CYP4X1: variants seen among roughly 807,000 people sequenced by gnomAD.
CYP4X1 encodes the protein cytochrome P450 4X1.
A neutral mutation model predicts 57.9 loss-of-function variants in CYP4X1; 44 were observed. That is an observed-to-expected ratio of 0.76 (90% CI 0.60 to 0.98). The LOEUF is 0.98. Among genes scored for constraint, CYP4X1 ranks in the 50% least tolerant of loss-of-function variants. CYP4X1 has a pLI of 0.00. For missense variants in CYP4X1, 532 were observed against 623.9 expected (o/e 0.85, Z 1.57); for synonymous variants, 227 against 228.6 (o/e 0.99, Z 0.06).
At chr1:47,051,323 G>A (rs555384077), downstream of CYP4X1, among the ~76,000 whole-genome samples, 2 of 151,210 alleles carry the variant, frequency 1.3e-5, no homozygotes, top group South Asian at 4.2e-4. Flanking sequence ...AGGTTGCAGT[G>A]AGCCGAGGTG....
intron 2 of CYP4X1, among the ~76,000 whole-genome samples, chr1:47,030,958 A>G (rs1290984290): frequency 6.6e-6 from 1 of 152,206 alleles, no homozygotes; most frequent in African/African-American, 2.4e-5. Context: ...CTTGCCTGGC[A>G]AGTCTGGTAA....
chr1:46,984,617 C>T, the CYP4X1 span, among the ~76,000 whole-genome samples: 1 of 152,052 alleles, frequency 6.6e-6, no homozygotes, highest in Non-Finnish European at 1.5e-5. Context: ...CAGGGAACTC[C>T]CTCCCCTAGC....
At chr1:47,051,166 C>T (rs1394580944), downstream of CYP4X1, among the ~76,000 whole-genome samples, 1 of 152,118 alleles carries the variant, frequency 6.6e-6, no homozygotes, top group Admixed American at 6.5e-5. Context: ...AAATGCAAAT[C>T]AAAACCACAA....
At chr1:47,026,719 G>GT (rs540188697) in intron 1 of CYP4X1, among the ~76,000 whole-genome samples, 405 of 150,540 alleles carry the variant, frequency 2.7e-3, no homozygotes, top group African/African-American at 7.4e-3. Flanking sequence ...TTTTTTTGTT[G>GT]TTTTTTTTTG....
the CYP4X1 span, among the ~76,000 whole-genome samples, chr1:47,018,588 GGTTGACCTGTTCCCAGTAGTACTCTCT>G: frequency 1.3e-5 from 2 of 152,130 alleles, no homozygotes; most frequent in African/African-American, 4.8e-5. Flanking sequence ...GAGTGGAAGA[GGTTGACCTGTTCCCAGTAGTACTCTCT>G]GTTTCAGGGG....
At chr1:46,969,246 G>A in the CYP4X1 span, among the ~76,000 whole-genome samples, 5 of 152,186 alleles carry the variant, frequency 3.3e-5, no homozygotes, top group Non-Finnish European at 5.9e-5. Context: ...CGCCTTTGCC[G>A]TGAGTGAAAA....
At chr1:47,054,509 C>T (rs1210381445), downstream of CYP4X1, among the ~76,000 whole-genome samples, 4 of 151,792 alleles carry the variant, frequency 2.6e-5, no homozygotes, top group Non-Finnish European at 5.9e-5. Context: ...TTACCTTGGG[C>T]AGTATGGCCA....
intron 8 of CYP4X1, among the ~76,000 whole-genome samples, chr1:47,042,668 C>G (rs1644259493): frequency 6.6e-6 from 1 of 152,136 alleles, no homozygotes; most frequent in South Asian, 2.1e-4. Context: ...CCTTTGCATC[C>G]TCATAGCTTA....
intron 1 of CYP4X1, among the ~76,000 whole-genome samples, chr1:47,024,218 G>C (rs1196010608): frequency 2.0e-5 from 3 of 152,194 alleles, no homozygotes; most frequent in Non-Finnish European, 4.4e-5. Flanking sequence ...AGGAAGCTTT[G>C]GGGGCTGGGA....
chr1:46,969,513 G>T, the CYP4X1 span, among the ~76,000 whole-genome samples: 2 of 152,124 alleles, frequency 1.3e-5, no homozygotes, highest in East Asian at 3.8e-4. Flanking sequence ...AGAACAATTT[G>T]CTTAAAACCT....
the CYP4X1 span, among the ~76,000 whole-genome samples, chr1:47,012,886 G>C: frequency 1.3e-5 from 2 of 152,180 alleles, no homozygotes; most frequent in Non-Finnish European, 2.9e-5. Flanking sequence ...TTTGCCCAAA[G>C]TTGCATTGTC....
upstream of CYP4X1, chr1:47,023,637 C>T: frequency 7.5e-7 from 1 of 1,332,066 alleles, no homozygotes; most frequent in Admixed American, 3.4e-5. Context: ...CGCGCGCCTG[C>T]CTCCTCTCCC....
chr1:47,009,024 A>G, the CYP4X1 span, among the ~76,000 whole-genome samples: 1 of 152,230 alleles, frequency 6.6e-6, no homozygotes, highest in South Asian at 2.1e-4. Context: ...CAGAAAGTTA[A>G]CAAGGATATC....
chr1:46,979,382 T>A, the CYP4X1 span, among the ~76,000 whole-genome samples: 6 of 152,232 alleles, frequency 3.9e-5, no homozygotes, highest in African/African-American at 1.4e-4. Context: ...CTAGAAGACA[T>A]GGATAAATTC....
chr1:46,961,480 G>A, the CYP4X1 span: 2 of 1,083,828 alleles, frequency 1.8e-6, no homozygotes, highest in East Asian at 1.2e-4. Context: ...CCGTTCACTG[G>A]CTTCCAGAAC....
intron 9 of CYP4X1, among the ~76,000 whole-genome samples, chr1:47,047,533 A>C (rs1165226693): frequency 6.6e-6 from 1 of 152,082 alleles, no homozygotes; most frequent in Non-Finnish European, 1.5e-5. Context: ...TCCACTTTCC[A>C]TATGTGAATA....
the CYP4X1 span, among the ~76,000 whole-genome samples, chr1:46,996,071 T>C: frequency 2.0e-5 from 3 of 152,252 alleles, no homozygotes; most frequent in Non-Finnish European, 4.4e-5. Flanking sequence ...ATATACAACA[T>C]GTAGCGGGCA....
At chr1:47,022,538 C>T (rs1644009693), upstream of CYP4X1, among the ~76,000 whole-genome samples, 1 of 151,998 alleles carries the variant, frequency 6.6e-6, no homozygotes, top group African/African-American at 2.4e-5. Context: ...ATCCGCCCGC[C>T]TCGGCCTCCC....
the CYP4X1 span, among the ~76,000 whole-genome samples, chr1:47,000,170 T>C: frequency 2.0e-5 from 3 of 152,018 alleles, no homozygotes; most frequent in Non-Finnish European, 4.4e-5. Context: ...GATCTGATGA[T>C]TTTAGAGGTG....
Sources: gnomAD v4.1 joint callset for allele counts (sites outside exome capture counted in the v4.1 genomes callset) on GRCh38, gnomAD v4.1.1 for gene constraint, MANE v1.5 for transcripts, NCBI Gene and HGNC (gene_info 2026-07-23, HGNC 2026-07-21) for gene names.